Variants in TXNRD2 observed in about 807,000 individuals in gnomAD.
TXNRD2 encodes thioredoxin reductase 2, mitochondrial.
Under a neutral mutation model 70.8 loss-of-function variants are expected in TXNRD2, and 67 were observed. That is an observed-to-expected ratio of 0.95 (90% CI 0.78 to 1.16). TXNRD2 has a LOEUF of 1.16. Ranked by LOEUF, TXNRD2 falls within the 50% of genes most tolerant of loss-of-function variation. The probability of loss-of-function intolerance (pLI) is 0.00; values close to 1 mark genes in which losing one functional copy is unlikely to be tolerated. For synonymous variants in TXNRD2, 301 were observed against 295.8 expected, an observed-to-expected ratio of 1.02 and a Z score of -0.18; for missense variants, 644 against 719.9, an observed-to-expected ratio of 0.89 and a Z score of 1.21.
In TXNRD2 at chr22:19,880,028, C is replaced by A. The variant is rs1276967257; in HGVS notation, c.1275+151G>T. 3.6e-6 allele frequency: 3 copies of A among 822,912 alleles called. No individual in the cohort carries two copies. In the African/African-American group the frequency reaches 5.1e-5, roughly 14 times the overall value. 51.0% of individuals were successfully genotyped at this position (822,912 alleles called of 1,614,324 possible). ...GGCACCCCCACTTCTGAGGCTGCCC[C>A]CAACGTGTCCCTTCCCGCTACACAC... On this transcript the variant is annotated intron_variant, in intron 14 of 17. Transcript: ENST00000400521.
chr22:19,934,111 C>A (rs980176378), intron 1 of TXNRD2, among the ~76,000 whole-genome samples: 5 of 152,232 alleles, frequency 3.3e-5, no homozygotes, highest in African/African-American at 1.2e-4. Flanking sequence ...ACCTCAGGGG[C>A]CCTCCTGTAT....
At chr22:19,940,665 G>A (rs561635431) in intron 1 of TXNRD2, among the ~76,000 whole-genome samples, 16 of 151,998 alleles carry the variant, frequency 1.1e-4, no homozygotes, top group Non-Finnish European at 1.6e-4. Context: ...TTTTGATGCC[G>A]AATCCCCTTT....
chr22:19,898,841 C>G (rs936918351), intron 9 of TXNRD2, among the ~76,000 whole-genome samples: 2 of 152,160 alleles, frequency 1.3e-5, no homozygotes, highest in Admixed American at 1.3e-4. Context: ...GTCCAGCTGT[C>G]CCAGCTCAGG....
At chr22:19,876,943 G>A in intron 17 of TXNRD2, 97 bp downstream of exon 17, 2 of 852,974 alleles carry the variant, frequency 2.3e-6, no homozygotes, top group East Asian at 2.8e-5. Flanking sequence ...CGTGGCAGGT[G>A]TAGCCTTGCT....
At chr22:19,897,986 T>C (rs1358524722) in intron 10 of TXNRD2, 53 bp downstream of exon 10, 43 of 1,468,274 alleles carry the variant, frequency 2.9e-5, no homozygotes, top group Non-Finnish European at 3.8e-5. Context: ...GAGGGGGCTG[T>C]GGGAGGAAGG....
rs550755152 is a variant in TXNRD2, at chr22:19,923,545, G to C, written c.173-3946C>G. ...CTGACGCCTGTAATCCCAGCATTTT[G>C]GGAGGCCGAGGCGGGCAGATCACCT... On this transcript the variant is annotated intron_variant, in intron 2 of 17. Coordinates refer to ENST00000400521, the MANE Select transcript of TXNRD2 (RefSeq NM_006440.5). Among the ~76,000 whole-genome samples the C allele has an allele frequency of 2.0e-5, 3 of 152,282 alleles. No homozygotes were observed. The East Asian group carries it at 5.8e-4, about 29-fold the overall frequency.
At chr22:19,927,894 G>A (rs530081515) in intron 2 of TXNRD2, among the ~76,000 whole-genome samples, 1 of 152,028 alleles carries the variant, frequency 6.6e-6, no homozygotes, top group Non-Finnish European at 1.5e-5. Context: ...CGTAATGTGA[G>A]GTATATCTCA....
Position 19,941,742 on chromosome 22 carries a change from G to A in TXNRD2, c.62C>T (p.Ala21Val). ...LGGRFRWRTQ[A>V]VAGGVRGAAR... Reference sequence around the variant, plus strand: ...CGCGCCCCGCACCCCGCCCGCCACGGCCTGCGTCCGCCACCGGAAGCGCCC... The same window carrying A: ...CGCGCCCCGCACCCCGCCCGCCACGACCTGCGTCCGCCACCGGAAGCGCCC... The change falls in exon 1 of 18, where the codon GCC (alanine) becomes GTC (valine). Residue 21 changes from alanine (A) to valine (V), a missense_variant. Physicochemically the swap from Ala to Val is moderately conservative, Grantham distance 64. Coordinates refer to ENST00000400521, the MANE Select transcript of TXNRD2 (RefSeq NM_006440.5). 1 of 1,496,976 alleles carries A rather than the reference G, an allele frequency of 6.7e-7. No homozygotes were observed. Among genetic ancestry groups the A allele is most frequent in the Non-Finnish European group, 8.8e-7 (1 of 1,131,066 alleles). The allele number at this position is 1,496,976 out of a possible 1,614,324, so 92.7% of individuals were successfully genotyped here.
At chr22:19,911,830 A>G (rs925532878) in intron 7 of TXNRD2, among the ~76,000 whole-genome samples, 11 of 152,082 alleles carry the variant, frequency 7.2e-5, no homozygotes, top group African/African-American at 2.7e-4. Context: ...CATCAAACAG[A>G]CAGGGGCATG....
chr22:19,900,174 G>A (rs12106534), intron 8 of TXNRD2, among the ~76,000 whole-genome samples: 17 of 152,208 alleles, frequency 1.1e-4, no homozygotes, highest in African/African-American at 2.9e-4. Flanking sequence ...TCTGTTGGCC[G>A]GCTGAGCACA....
Position 19,911,387 on chromosome 22 carries a change from G to C in TXNRD2, c.652C>G (p.Pro218Ala). Residue 218 changes from proline (P) to alanine (A), a missense_variant, in exon 8 of 18, where the codon CCT (proline) becomes GCT (alanine). Pro to Ala is a conservative substitution (Grantham distance 27). Around this residue, in one of 3 missense-constraint regions of TXNRD2, gnomAD observed 566 missense variants for 645.0 expected, o/e 0.88. Transcript: ENST00000400521. ...SDDIFWLKES[P>A]GKTLVVGASY... Reference sequence around the variant, plus strand: ...ACGCGCAGGCCTTACGTTTTTCCAGGGGATTCCTTCAGCCAGAAGATGTCA... The same window carrying C: ...ACGCGCAGGCCTTACGTTTTTCCAGCGGATTCCTTCAGCCAGAAGATGTCA... 6.2e-7 allele frequency: 1 copy of C among 1,613,920 alleles called. No homozygotes were observed. Among genetic ancestry groups the C allele is most frequent in the Non-Finnish European group, 8.5e-7 (1 of 1,179,844 alleles).
intron 2 of TXNRD2, among the ~76,000 whole-genome samples, chr22:19,927,989 AGGCACCGT>A (rs1210691013): frequency 1.3e-5 from 2 of 152,040 alleles, no homozygotes; most frequent in African/African-American, 4.8e-5. Context: ...ACCACAGGCC[AGGCACCGT>A]GGCTCATTCC....
chr22:19,932,581 T>A (rs1348025357), intron 1 of TXNRD2: 17 of 1,454,602 alleles, frequency 1.2e-5, no homozygotes, highest in Non-Finnish European at 9.1e-6. Flanking sequence ...ACCAGCCAAC[T>A]CCCTGCTGAA....
intron 14 of TXNRD2, among the ~76,000 whole-genome samples, chr22:19,879,316 C>T (rs981689271): frequency 6.6e-6 from 1 of 152,198 alleles, no homozygotes; most frequent in African/African-American, 2.4e-5. Flanking sequence ...TCCGGTTTCT[C>T]TGGGTGCCTG....
intron 5 of TXNRD2, 22 bp downstream of exon 5, chr22:19,918,121 T>C: frequency 1.2e-6 from 2 of 1,611,580 alleles, no homozygotes; most frequent in African/African-American, 1.3e-5. Flanking sequence ...GGGCGGCCCA[T>C]TCCCGGAGAG....
chr22:19,933,576 C>CGAGCAAGCTGCCCA, intron 1 of TXNRD2: 2 of 1,217,820 alleles, frequency 1.6e-6, no homozygotes, highest in Non-Finnish European at 2.1e-6. Flanking sequence ...TTATCTTGGG[C>CGAGCAAGCTGCCCA]AGCTTGCTCG....
At chr22:19,878,644 G>A (rs1029794480) in intron 14 of TXNRD2, among the ~76,000 whole-genome samples, 3 of 152,224 alleles carry the variant, frequency 2.0e-5, no homozygotes, top group Non-Finnish European at 4.4e-5. Flanking sequence ...GCCAGTGGCT[G>A]GAGCCATGCT....
chr22:19,895,122 C>T, intron 11 of TXNRD2: 1 of 1,598,468 alleles, frequency 6.3e-7, no homozygotes, highest in Non-Finnish European at 8.5e-7. Context: ...GGACACCTGG[C>T]TGATGCCGTC....
chr22:19,918,778 C>A, intron 4 of TXNRD2, 82 bp downstream of exon 4: 1 of 1,557,820 alleles, frequency 6.4e-7, no homozygotes, highest in Non-Finnish European at 8.7e-7. Context: ...CCCATGAGGG[C>A]TCATCGAGGA....
Sources: allele counts gnomAD v4.1 joint callset (sites outside exome capture counted in the v4.1 genomes callset), GRCh38; gene constraint gnomAD v4.1.1; regional missense constraint gnomAD v4.1.1; transcripts MANE v1.5; gene names NCBI Gene and HGNC (gene_info 2026-07-23, HGNC 2026-07-21).